Variants in PKHD1 observed in about 807,000 individuals in gnomAD.
The protein encoded by PKHD1 is fibrocystin.
In PKHD1, 291 loss-of-function variants were observed where a neutral mutation model predicts 412.0. That is an observed-to-expected ratio of 0.71 (90% CI 0.64 to 0.78). The LOEUF is 0.78. PKHD1 is among the 30% of genes least tolerant of loss of function. The probability of loss-of-function intolerance (pLI) is 0.00; values close to 1 mark genes in which losing one functional copy is unlikely to be tolerated. For missense variants in PKHD1, 4,825 were observed against 4,950.7 expected, an observed-to-expected ratio of 0.97 and a Z score of 0.76; for synonymous variants, 1,777 against 1,821.5, an observed-to-expected ratio of 0.98 and a Z score of 0.62.
intron 60 of PKHD1, among the ~76,000 whole-genome samples, chr6:51,739,605 T>G (rs1233303706): frequency 6.6e-6 from 1 of 152,226 alleles, no homozygotes; most frequent in South Asian, 2.1e-4. Flanking sequence ...TACTGGAACA[T>G]AAGTTTGATG....
At chr6:51,621,644 A>C (rs1766632015) in intron 66 of PKHD1, among the ~76,000 whole-genome samples, 1 of 152,186 alleles carries the variant, frequency 6.6e-6, no homozygotes, top group African/African-American at 2.4e-5. Context: ...TTTACATGGC[A>C]GCTCCAATCA....
Position 51,750,723 on chromosome 6 carries a change from A to T in PKHD1, c.8951-2058T>A, listed in dbSNP as rs144107193. The stretch of plus-strand genomic sequence containing the variant: ...TTACTGCTGTGCACATTAACCAATG[A>T]CTGAAAATTAATCAATTAGTAAAGA... On this transcript the variant is annotated intron_variant, in intron 57 of 66. Transcript: ENST00000371117. Among the ~76,000 whole-genome samples, 347 of 152,320 alleles carry T rather than the reference A, an allele frequency of 2.3e-3. 3 individuals are homozygous for T. Among genetic ancestry groups the T allele is most frequent in the South Asian group, 0.013 (64 of 4,824 alleles).
At chr6:52,004,655 G>A (rs765286885) in intron 35 of PKHD1, among the ~76,000 whole-genome samples, 1 of 152,056 alleles carries the variant, frequency 6.6e-6, no homozygotes, top group Non-Finnish European at 1.5e-5. Flanking sequence ...GTTTAATTTT[G>A]TTAAGCCCTG....
intron 63 of PKHD1, among the ~76,000 whole-genome samples, chr6:51,646,641 C>T (rs1268192560): frequency 6.6e-6 from 1 of 152,122 alleles, no homozygotes; most frequent in Non-Finnish European, 1.5e-5. Context: ...TTGCTTTTTG[C>T]TCCCAATCCA....
intron 60 of PKHD1, among the ~76,000 whole-genome samples, chr6:51,740,691 T>A (rs1404368222): frequency 6.6e-6 from 1 of 152,188 alleles, no homozygotes; most frequent in Non-Finnish European, 1.5e-5. Flanking sequence ...GCAAAGTAGC[T>A]AAGAGAAAAT....
At chr6:52,038,212 T>A (rs1025803516) in intron 27 of PKHD1, among the ~76,000 whole-genome samples, 1 of 151,966 alleles carries the variant, frequency 6.6e-6, no homozygotes, top group African/African-American at 2.4e-5. Context: ...AAACCCTGTC[T>A]CTACTAAAAT....
intron 52 of PKHD1, among the ~76,000 whole-genome samples, chr6:51,817,487 G>C (rs1765659208): frequency 6.6e-6 from 1 of 152,102 alleles, no homozygotes; most frequent in African/African-American, 2.4e-5. Context: ...AGGGGAGAGG[G>C]AAGGGGACTG....
Position 52,025,763 on chromosome 6 carries a change from C to G in PKHD1, c.4047G>C (p.Leu1349=). The G allele has an allele frequency of 6.2e-7, 1 of 1,614,210 alleles. No individual in the cohort carries two copies. Among genetic ancestry groups the G allele is most frequent in the South Asian group, 1.1e-5 (1 of 91,074 alleles). The change falls in exon 32 of 67, where the codon CTG becomes CTC. Residue 1349 remains leucine, a synonymous_variant. Coordinates refer to ENST00000371117, the MANE Select transcript of PKHD1 (RefSeq NM_138694.4). Reference sequence around the variant, plus strand: ...TGTGAAGAGGGATGGAGCATCCAGACAGGCTCACGTTGCCCTGGAAGGACT... The same window carrying G: ...TGTGAAGAGGGATGGAGCATCCAGAGAGGCTCACGTTGCCCTGGAAGGACT... ...ETQSFQGNVS[L]SGCSIPLHSL...
At chr6:51,749,344 G>T (rs1785714313) in intron 57 of PKHD1, among the ~76,000 whole-genome samples, 1 of 151,960 alleles carries the variant, frequency 6.6e-6, no homozygotes, top group Admixed American at 6.6e-5. Flanking sequence ...TTTTATGTGA[G>T]GAGAAAATAG....
rs756553815 is a variant in PKHD1 at position 52,025,619 on chromosome 6, C to A, written c.4191G>T (p.Ser1397=). ...VMPRIMAIFP[S]QGSACGGTIL... is the part of the protein sequence containing the mutation. ...TGGTCCCACCACATGCCGAACCCTG[C>A]GATGGGAAGATGGCCATTATCCGAG... The change falls in exon 32 of 67, where the codon TCG becomes TCT. Residue 1397 remains serine, a synonymous_variant. Transcript: ENST00000371117. 8 of 1,614,026 alleles carry A rather than the reference C, an allele frequency of 5.0e-6. No individual in the cohort carries two copies. The highest frequency in any genetic ancestry group is 3.3e-5 in the South Asian group (3 of 91,072).
At chr6:52,039,809 T>A (rs1324746658) in intron 27 of PKHD1, among the ~76,000 whole-genome samples, 2 of 152,154 alleles carry the variant, frequency 1.3e-5, no homozygotes, top group African/African-American at 4.8e-5. Flanking sequence ...TACACAAATA[T>A]TCATAGCAGC....
Position 52,048,583 on chromosome 6 carries a change from TC to T in PKHD1, c.2315del (p.Gly772AspfsTer5). The T allele has an allele frequency of 6.2e-7, 1 of 1,614,120 alleles. No individual in the cohort carries two copies. The highest frequency in any genetic ancestry group is 8.5e-7 in the Non-Finnish European group (1 of 1,179,980). ...GTCTCTGTGTCGTCACCAGGACCAG[TC>T]CAGATCCCTCTTCTGTTCCTTCAGT... Reference protein sequence around the residue: ...VPTEGTEEGSGLVLVTTQRRQ... With the variant: ...VPTEGTEEGSXLVLVTTQRRQ... On this transcript the variant is annotated frameshift_variant, in exon 23 of 67. Transcript: ENST00000371117. LOFTEE classifies it high-confidence loss of function.
intron 41 of PKHD1, among the ~76,000 whole-genome samples, chr6:51,904,504 T>C (rs997455498): frequency 6.6e-6 from 1 of 152,098 alleles, no homozygotes; most frequent in Non-Finnish European, 1.5e-5. Flanking sequence ...ATAGAGAAAT[T>C]AGTCACTTAA....
At position 52,050,266 on chromosome 6, in the gene PKHD1, G is replaced by A. The variant is rs1806602099; in HGVS notation, c.2170C>T (p.Pro724Ser). The A allele has an allele frequency of 5.0e-6, 8 of 1,614,140 alleles. No individual in the cohort carries two copies. Among genetic ancestry groups the A allele is most frequent in the Non-Finnish European group, 5.9e-6 (7 of 1,180,010 alleles). The change falls in exon 22 of 67, where the codon CCA becomes TCA. Residue 724 changes from proline to serine, a missense_variant. By Grantham distance (74) the Pro-to-Ser change is moderately conservative. Transcript: ENST00000371117. The part of the protein sequence containing the change: ...VSQADSGTAR[P>S]GGNLVESVSV... Reference sequence around the variant, plus strand: ...ACTGATTCCACCAGATTGCCCCCTGGGCGAGCCGTTCCAGAATCAGCTTGA... The same window carrying A: ...ACTGATTCCACCAGATTGCCCCCTGAGCGAGCCGTTCCAGAATCAGCTTGA...
chr6:51,635,778 T>C, intron 64 of PKHD1, among the ~76,000 whole-genome samples: 1 of 145,994 alleles, frequency 6.8e-6, no homozygotes, highest in Admixed American at 7.2e-5. Context: ...CCACGTGACT[T>C]TCTGGGGGGA....
At chr6:51,760,993 A>T (rs187853613) in intron 55 of PKHD1, among the ~76,000 whole-genome samples, 10 of 152,244 alleles carry the variant, frequency 6.6e-5, no homozygotes, top group Admixed American at 5.9e-4. Flanking sequence ...AGAAATGTAA[A>T]TTAGTACAAC....
chr6:51,771,456 T>A (rs1790117202), intron 55 of PKHD1, among the ~76,000 whole-genome samples: 1 of 152,006 alleles, frequency 6.6e-6, no homozygotes, highest in Admixed American at 6.6e-5. Flanking sequence ...ACATCTCTAC[T>A]AAAAGTACAA....
intron 52 of PKHD1, among the ~76,000 whole-genome samples, chr6:51,804,371 G>C (rs1282528279): frequency 1.3e-5 from 1 of 75,588 alleles, no homozygotes; most frequent in Non-Finnish European, 2.6e-5. Flanking sequence ...GGGGGGGGGG[G>C]GGCGGTAACA....
chr6:52,034,145 GA>G (rs759256890), intron 28 of PKHD1, among the ~76,000 whole-genome samples: 1 of 127,626 alleles, frequency 7.8e-6, no homozygotes, highest in Non-Finnish European at 1.7e-5. Flanking sequence ...ACAAACAAAA[GA>G]CATGTTTAGA....
Sources: allele counts gnomAD v4.1 joint callset (sites outside exome capture counted in the v4.1 genomes callset), GRCh38; gene constraint gnomAD v4.1.1; transcripts MANE v1.5; gene names NCBI Gene and HGNC (gene_info 2026-07-23, HGNC 2026-07-21).